SYNDIG1: variants seen among roughly 807,000 people sequenced by gnomAD.
SYNDIG1 encodes synapse differentiation-inducing gene protein 1.
A neutral mutation model predicts 19.4 loss-of-function variants in SYNDIG1; 9 were observed. The observed-to-expected ratio is 0.46, with a 90% confidence interval of 0.28 to 0.81. The LOEUF is 0.81. Ranked by LOEUF, SYNDIG1 falls within the 30% of genes least tolerant of loss-of-function variation. The probability of loss-of-function intolerance (pLI) is 0.12; values close to 1 mark genes in which losing one functional copy is unlikely to be tolerated. For synonymous variants in SYNDIG1, 141 were observed against 145.9 expected (o/e 0.97, Z 0.24); for missense variants, 311 against 343.3 (o/e 0.91, Z 0.74).
intron 2 of SYNDIG1, among the ~76,000 whole-genome samples, chr20:24,553,526 T>C (rs2057749618): frequency 2.0e-5 from 3 of 152,260 alleles, no homozygotes; most frequent in Admixed American, 6.5e-5. Flanking sequence ...GCTTTCTACA[T>C]ATGGCTAGCC....
intron 1 of SYNDIG1, among the ~76,000 whole-genome samples, chr20:24,503,924 C>G (rs2056520101): frequency 6.7e-6 from 1 of 148,974 alleles, no homozygotes; most frequent in South Asian, 2.1e-4. Flanking sequence ...TTGCTGCTTA[C>G]AAAGCAGATC....
At chr20:24,473,412 G>T (rs560255405) in intron 1 of SYNDIG1, among the ~76,000 whole-genome samples, 1 of 152,322 alleles carries the variant, frequency 6.6e-6, no homozygotes, top group South Asian at 2.1e-4. Flanking sequence ...TTAGAATAAT[G>T]AAGTTGTCGG....
rs138294569 is a variant in SYNDIG1, at chr20:24,522,892, G to A, written c.-78-20128G>A. On this transcript the variant is annotated intron_variant, in intron 1 of 3. Transcript: ENST00000376862. ...TCAGGGTCTTTTAAACAAGCAGCTC[G>A]CATGTAAACTAACACAGCAAGAACT... 1.1e-3 allele frequency among the ~76,000 whole-genome samples: 161 copies of A among 152,184 alleles called. 2 individuals are homozygous for A. The highest frequency in any genetic ancestry group is 3.6e-3 in the African/African-American group (149 of 41,516).
intron 1 of SYNDIG1, among the ~76,000 whole-genome samples, chr20:24,502,725 A>G (rs956506328): frequency 1.3e-5 from 2 of 152,216 alleles, no homozygotes; most frequent in African/African-American, 2.4e-5. Context: ...GATCAAATGC[A>G]CATCCTCCAA....
chr20:24,533,782 G>A (rs1216932526), intron 1 of SYNDIG1, among the ~76,000 whole-genome samples: 2 of 152,162 alleles, frequency 1.3e-5, no homozygotes, highest in Non-Finnish European at 2.9e-5. Flanking sequence ...CTGTATGTGA[G>A]CCGTGATAGC....
At chr20:24,590,895 G>C (rs2058499268) in intron 3 of SYNDIG1, among the ~76,000 whole-genome samples, 1 of 152,168 alleles carries the variant, frequency 6.6e-6, no homozygotes, top group Non-Finnish European at 1.5e-5. Flanking sequence ...ACAGCACCGA[G>C]GAGCGGACTC....
At chr20:24,504,247 C>T (rs187807053) in intron 1 of SYNDIG1, among the ~76,000 whole-genome samples, 37 of 152,324 alleles carry the variant, frequency 2.4e-4, no homozygotes, top group African/African-American at 6.3e-4. Flanking sequence ...TGTGAGCCAC[C>T]GCGCCCAGCC....
chr20:24,480,453 CA>C (rs1016372541), intron 1 of SYNDIG1, among the ~76,000 whole-genome samples: 6 of 152,140 alleles, frequency 3.9e-5, no homozygotes, highest in Non-Finnish European at 5.9e-5. Flanking sequence ...TGGCTACTGT[CA>C]AAAAAATCAC....
At chr20:24,575,673 G>T (rs1045878256) in intron 2 of SYNDIG1, among the ~76,000 whole-genome samples, 6 of 151,836 alleles carry the variant, frequency 4.0e-5, no homozygotes, top group Non-Finnish European at 8.8e-5. Flanking sequence ...CACCTAACTG[G>T]ATTATTTTCT....
chr20:24,500,199 A>T (rs540785135), intron 1 of SYNDIG1, among the ~76,000 whole-genome samples: 5 of 152,290 alleles, frequency 3.3e-5, no homozygotes, highest in African/African-American at 1.2e-4. Context: ...TGATTTATGC[A>T]TGTATATCTC....
chr20:24,588,309 A>T (rs2058450537), intron 3 of SYNDIG1, among the ~76,000 whole-genome samples: 1 of 152,218 alleles, frequency 6.6e-6, no homozygotes, highest in African/African-American at 2.4e-5. Context: ...ACACAGACAC[A>T]CCTTTCCCAG....
Position 24,621,034 on chromosome 20 carries a change from T to G in SYNDIG1, c.618+36041T>G, listed in dbSNP as rs189665867. ...GATGGAGATAAAAGGGCTAAGAATC[T>G]TGTGAATCTTCAGTGGGCAAAGTAA... On this transcript the variant is annotated intron_variant, in intron 3 of 3. Coordinates refer to ENST00000376862, the MANE Select transcript of SYNDIG1 (RefSeq NM_024893.3). Among the ~76,000 whole-genome samples the G allele has an allele frequency of 2.3e-4, 35 of 152,310 alleles. No homozygotes were observed. The East Asian group carries it at 6.7e-3, about 29-fold the overall frequency.
intron 3 of SYNDIG1, among the ~76,000 whole-genome samples, chr20:24,639,623 G>A (rs945688991): frequency 5.9e-5 from 9 of 152,108 alleles, no homozygotes; most frequent in African/African-American, 1.2e-4. Flanking sequence ...GGCATCCTGC[G>A]GTATCAATGT....
chr20:24,593,518 T>G lies in SYNDIG1; in HGVS notation c.618+8525T>G, dbSNP rs181501062. Among the ~76,000 whole-genome samples the G allele has an allele frequency of 2.2e-3, 338 of 152,334 alleles. 2 individuals carry two copies. Among genetic ancestry groups the G allele is most frequent in the African/African-American group, 7.1e-3 (294 of 41,568 alleles). On this transcript the variant is annotated intron_variant, in intron 3 of 3. Transcript: ENST00000376862. ...GAACATATGCACGCATATGTCTTTA[T>G]AGTAGAATGATTTATATTCCTTTGG...
At chr20:24,608,807 A>G (rs118103826) in intron 3 of SYNDIG1, among the ~76,000 whole-genome samples, 1,587 of 152,312 alleles carry the variant, frequency 0.01, 11 homozygotes, top group Middle Eastern at 0.027. Context: ...TGTGAATGAT[A>G]TTGATAATAT....
intron 3 of SYNDIG1, among the ~76,000 whole-genome samples, chr20:24,617,629 G>A (rs373889016): frequency 2.0e-5 from 3 of 152,100 alleles, no homozygotes; most frequent in African/African-American, 4.8e-5. Flanking sequence ...AGCAAAGCCC[G>A]GGGGTGCATT....
chr20:24,575,761 T>C (rs1285558881), intron 2 of SYNDIG1, among the ~76,000 whole-genome samples: 1 of 152,248 alleles, frequency 6.6e-6, no homozygotes, highest in Admixed American at 6.5e-5. Context: ...AGGAAAAATC[T>C]GTTTACTTCT....
intron 3 of SYNDIG1, among the ~76,000 whole-genome samples, chr20:24,661,472 AGGGAAGAGGGAGGAAGAAG>A (rs1457653700): frequency 1.6e-5 from 2 of 125,824 alleles, no homozygotes; most frequent in African/African-American, 3.0e-5. Flanking sequence ...GGAAGGAGGG[AGGGAAGAGGGAGGAAGAAG>A]GGAGGGAGGG....
chr20:24,570,916 G>A (rs1259457575), intron 2 of SYNDIG1, among the ~76,000 whole-genome samples: 1 of 152,054 alleles, frequency 6.6e-6, no homozygotes, highest in Non-Finnish European at 1.5e-5. Flanking sequence ...TAAACACATC[G>A]TGTTACTTAT....
Sources: allele counts gnomAD v4.1 joint callset (sites outside exome capture counted in the v4.1 genomes callset), GRCh38; gene constraint gnomAD v4.1.1; transcripts MANE v1.5; gene names NCBI Gene and HGNC (gene_info 2026-07-23, HGNC 2026-07-21).